Variants in NELL1 observed in about 807,000 individuals in gnomAD.
The protein encoded by NELL1 is protein kinase C-binding protein NELL1.
Under a neutral mutation model 107.4 loss-of-function variants are expected in NELL1, and 76 were observed. The observed-to-expected ratio is 0.71, with a 90% CI of 0.59 to 0.86. The LOEUF (loss-of-function observed/expected upper bound fraction) is 0.86. Among genes scored for constraint, NELL1 ranks in the 40% least tolerant of loss-of-function variants. The pLI is 0.00. For missense variants in NELL1, 1,024 were observed against 1,005.5 expected (o/e 1.02, Z -0.25); for synonymous variants, 353 against 341.2 (o/e 1.03, Z -0.38).
At chr11:21,153,944 A>G (rs1279482679) in intron 13 of NELL1, among the ~76,000 whole-genome samples, 1 of 152,146 alleles carries the variant, frequency 6.6e-6, no homozygotes, top group Non-Finnish European at 1.5e-5. Context: ...TGATTAATTG[A>G]GGTTTTTAAA....
intron 15 of NELL1, among the ~76,000 whole-genome samples, chr11:21,440,418 T>A (rs1853251359): frequency 1.3e-5 from 2 of 152,190 alleles, no homozygotes; most frequent in Non-Finnish European, 1.5e-5. Context: ...TTATCTGCAT[T>A]TAAAAGTATT....
chr11:21,514,867 A>G (rs1590995960), intron 15 of NELL1, among the ~76,000 whole-genome samples: 1 of 152,128 alleles, frequency 6.6e-6, no homozygotes, highest in African/African-American at 2.4e-5. Context: ...ACTGGCTTCC[A>G]ATGTATTTGT....
chr11:20,783,445 T>C (rs993242614), intron 2 of NELL1, among the ~76,000 whole-genome samples: 2 of 152,210 alleles, frequency 1.3e-5, no homozygotes, highest in East Asian at 1.9e-4. Flanking sequence ...GGGATTTGCA[T>C]TGAATGAATG....
chr11:21,353,247 A>G (rs754316902), intron 14 of NELL1, among the ~76,000 whole-genome samples: 6 of 152,240 alleles, frequency 3.9e-5, no homozygotes, highest in Non-Finnish European at 8.8e-5. Context: ...ATAAGGCTAT[A>G]GAACTTGCTA....
rs1851295880 is a variant in NELL1, at chr11:20,961,787, T to A, written c.1300+1227T>A. On this transcript the variant is annotated intron_variant, in intron 12 of 19. Transcript: ENST00000357134. ...GATTCTGCAGAGCCTACTTTGGGAT[T>A]TGAGTGTGTGTAGATTTGGGTATAC... Among the ~76,000 whole-genome samples the A allele has an allele frequency of 1.3e-5, 2 of 152,100 alleles. 1 individual carries two copies. Among genetic ancestry groups the A allele is most frequent in the South Asian group, 4.1e-4 (2 of 4,820 alleles).
chr11:21,494,255 A>T (rs575963849), intron 15 of NELL1, among the ~76,000 whole-genome samples: 1 of 152,098 alleles, frequency 6.6e-6, no homozygotes, highest in South Asian at 2.1e-4. Context: ...AAACTGTTTA[A>T]TGTATTATTC....
At chr11:21,231,218 T>C (rs1252178102) in intron 14 of NELL1, among the ~76,000 whole-genome samples, 2 of 152,158 alleles carry the variant, frequency 1.3e-5, no homozygotes, top group African/African-American at 2.4e-5. Context: ...TCTAAGTTAA[T>C]ATTTATAAAT....
chr11:21,321,412 C>T (rs980541999), intron 14 of NELL1, among the ~76,000 whole-genome samples: 5 of 151,852 alleles, frequency 3.3e-5, no homozygotes, highest in South Asian at 4.2e-4. Flanking sequence ...TGGGGGGCTG[C>T]GCGGAGTGGT....
Position 21,113,710 on chromosome 11 carries a change from T to C in NELL1, c.1422T>C (p.Cys474=), listed in dbSNP as rs1398304184. 1 of 1,611,076 alleles carries C rather than the reference T, an allele frequency of 6.2e-7. No individual in the cohort carries two copies. Among genetic ancestry groups the C allele is most frequent in the Non-Finnish European group, 8.5e-7 (1 of 1,178,328 alleles). The change falls in exon 13 of 20, where the codon TGT becomes TGC. Residue 474 remains cysteine, a synonymous_variant. Coordinates refer to ENST00000357134, the MANE Select transcript of NELL1 (RefSeq NM_006157.5). ...PGYIRVDDFS[C]TEHDECGSGQ... ...ACATTCGTGTGGATGACTTCTCTTG[T>C]ACAGGTGAGCTTTAAGAAGCAGTGT...
intron 15 of NELL1, among the ~76,000 whole-genome samples, chr11:21,417,669 A>G (rs1852551049): frequency 6.6e-6 from 1 of 152,040 alleles, no homozygotes; most frequent in Non-Finnish European, 1.5e-5. Flanking sequence ...TTGATTAGTG[A>G]TCTTCAGCAG....
chr11:20,697,709 C>T (rs931523749), intron 2 of NELL1, among the ~76,000 whole-genome samples: 20 of 151,992 alleles, frequency 1.3e-4, no homozygotes, highest in Non-Finnish European at 1.8e-4. Flanking sequence ...ACTGGCTTGC[C>T]GTCAAGTGTG....
intron 11 of NELL1, among the ~76,000 whole-genome samples, chr11:20,959,369 C>G (rs1373475554): frequency 1.3e-5 from 2 of 152,294 alleles, no homozygotes; most frequent in East Asian, 3.9e-4. Context: ...AAGACACTTG[C>G]ACGTGCATGT....
intron 15 of NELL1, among the ~76,000 whole-genome samples, chr11:21,477,295 G>C (rs941825114): frequency 6.6e-6 from 1 of 152,146 alleles, no homozygotes; most frequent in African/African-American, 2.4e-5. Context: ...ACCAAGCAGA[G>C]TCCTGATGCC....
chr11:21,288,328 C>G (rs1054088258), intron 14 of NELL1, among the ~76,000 whole-genome samples: 3 of 152,194 alleles, frequency 2.0e-5, no homozygotes, highest in Non-Finnish European at 2.9e-5. Flanking sequence ...CAGGCTGCCT[C>G]TGTTTCCTGA....
chr11:21,282,777 GT>G (rs1274045671), intron 14 of NELL1, among the ~76,000 whole-genome samples: 3 of 152,092 alleles, frequency 2.0e-5, no homozygotes, highest in Admixed American at 6.6e-5. Flanking sequence ...CAATGTAAGT[GT>G]CCATAAAGAA....
intron 12 of NELL1, among the ~76,000 whole-genome samples, chr11:21,090,529 C>T (rs979906153): frequency 1.3e-5 from 2 of 152,240 alleles, no homozygotes; most frequent in African/African-American, 4.8e-5. Flanking sequence ...TTGGGCTCGG[C>T]TCTGTCACTT....
rs189516311 is a variant in NELL1, at chr11:21,563,802, C to T, written c.1980+3420C>T. 8.2e-4 allele frequency among the ~76,000 whole-genome samples: 125 copies of T among 151,924 alleles called. 2 individuals are homozygous for T. In the Middle Eastern group the frequency reaches 0.01, roughly 12 times the overall value. The stretch of plus-strand genomic sequence containing the variant: ...CTCTGGGAAGATGCAGAAGTGAATA[C>T]GGAAAGCCTTTCACAGAGGAGGTGA... On this transcript the variant is annotated intron_variant, in intron 17 of 19. Coordinates refer to ENST00000357134, the MANE Select transcript of NELL1 (RefSeq NM_006157.5).
chr11:21,102,770 A>G (rs1854853303), intron 12 of NELL1, among the ~76,000 whole-genome samples: 1 of 152,132 alleles, frequency 6.6e-6, no homozygotes, highest in Admixed American at 6.5e-5. Context: ...TTGTGTTTTC[A>G]GTGATAATAT....
intron 15 of NELL1, among the ~76,000 whole-genome samples, chr11:21,497,055 CTT>C (rs1326329264): frequency 1.3e-5 from 2 of 150,580 alleles, no homozygotes; most frequent in African/African-American, 2.4e-5. Context: ...GCTTCCAAGT[CTT>C]TGCTATTGTG....
Sources: allele counts gnomAD v4.1 joint callset (sites outside exome capture counted in the v4.1 genomes callset), GRCh38; gene constraint gnomAD v4.1.1; transcripts MANE v1.5; gene names NCBI Gene and HGNC (gene_info 2026-07-23, HGNC 2026-07-21).